Variants in BANP observed in about 807,000 individuals in gnomAD.
BANP encodes the protein protein BANP.
In BANP, 11 loss-of-function variants were observed where a neutral mutation model predicts 68.1. The ratio of observed to expected loss-of-function variants is 0.16; its 90% CI spans 0.10 to 0.27. BANP has a LOEUF of 0.27. Ranked by LOEUF, BANP falls within the 10% of genes least tolerant of loss-of-function variation. The probability of loss-of-function intolerance (pLI) is 1.00; values close to 1 mark genes in which losing one functional copy is unlikely to be tolerated. For missense variants in BANP, 504 were observed against 722.7 expected (o/e 0.70, Z 3.47); for synonymous variants, 329 against 303.2 (o/e 1.09, Z -0.88).
intron 6 of BANP, among the ~76,000 whole-genome samples, chr16:88,009,534 T>C (rs756984528): frequency 1.3e-5 from 2 of 152,262 alleles, no homozygotes; most frequent in Non-Finnish European, 2.9e-5. Context: ...CTAGTTTTTT[T>C]CACTTAGGTA....
At chr16:88,027,789 A>T in intron 8 of BANP, 139 bp downstream of exon 8, 2 of 1,050,336 alleles carry the variant, frequency 1.9e-6, no homozygotes, top group Non-Finnish European at 2.7e-6. Context: ...CGCGGTGCGC[A>T]CGGAGCAGTG....
chr16:87,951,779 G>A (rs2056929396), intron 1 of BANP, among the ~76,000 whole-genome samples: 1 of 151,730 alleles, frequency 6.6e-6, no homozygotes, highest in Non-Finnish European at 1.5e-5. Context: ...AGCCGCGGCT[G>A]CCGCAGCCCG....
intron 11 of BANP, among the ~76,000 whole-genome samples, chr16:88,053,706 C>T (rs1202122758): frequency 2.0e-5 from 3 of 150,568 alleles, no homozygotes; most frequent in South Asian, 4.2e-4. Context: ...TCTCCATCAT[C>T]ATCATCACCA....
rs1486687130 is a variant in BANP at position 88,035,337 on chromosome 16, C to T, written c.1215C>T (p.His405=). ...DGQVQVIPQG[H]LHIAQVPQGE... Reference sequence around the variant, plus strand: ...TCTTGCTGCGGATCCCACAGGGACACCTCCACATCGCCCAGGTGCCGCAGG... The same window carrying T: ...TCTTGCTGCGGATCCCACAGGGACATCTCCACATCGCCCAGGTGCCGCAGG... Residue 405 remains histidine (H), a synonymous_variant, in exon 10 of 14, where the codon CAC becomes CAT. Transcript: ENST00000682872. 1.9e-6 allele frequency: 3 copies of T among 1,611,222 alleles called. No homozygotes were observed. Among genetic ancestry groups the T allele is most frequent in the African/African-American group, 2.7e-5 (2 of 74,876 alleles).
intron 11 of BANP, among the ~76,000 whole-genome samples, chr16:88,059,973 A>G (rs998256371): frequency 6.6e-6 from 1 of 152,198 alleles, no homozygotes; most frequent in African/African-American, 2.4e-5. Context: ...AGGTTGGCAC[A>G]GGTGGGGTTC....
chr16:87,993,788 A>G (rs374099072), intron 4 of BANP, among the ~76,000 whole-genome samples: 1 of 152,110 alleles, frequency 6.6e-6, no homozygotes, highest in African/African-American at 2.4e-5. Flanking sequence ...TATATTACAG[A>G]CGGGGTTTCA....
chr16:88,026,518 A>G (rs1215751336), intron 7 of BANP, among the ~76,000 whole-genome samples: 1 of 152,384 alleles, frequency 6.6e-6, no homozygotes, highest in East Asian at 1.9e-4. Flanking sequence ...AGGGGGACAG[A>G]GTAACAGTGC....
chr16:87,970,685 C>CA (rs1382332400), intron 1 of BANP, among the ~76,000 whole-genome samples: 1 of 152,162 alleles, frequency 6.6e-6, no homozygotes. Flanking sequence ...ACAAGGGCAT[C>CA]AGGGATGACA....
chr16:87,955,469 T>G (rs529562103), intron 1 of BANP, among the ~76,000 whole-genome samples: 1 of 152,346 alleles, frequency 6.6e-6, no homozygotes, highest in Non-Finnish European at 1.5e-5. Flanking sequence ...TGACGTCTTA[T>G]GTAACCAGGC....
Position 88,071,234 on chromosome 16 carries a change from GT to G in BANP, c.1378-834del. ...CATCTCCTGGCCCTCCCGTAGTGGGGTGCAACCCCAAGTGAAGACCCCGTGG... is the reference window on the plus strand; with the variant it reads ...CATCTCCTGGCCCTCCCGTAGTGGGGGCAACCCCAAGTGAAGACCCCGTGG... On this transcript the variant is annotated intron_variant, in intron 12 of 13. Coordinates refer to ENST00000682872, the MANE Select transcript of BANP (RefSeq NM_001386991.1). This position sits in a 1 kb window ranked among gnomAD's most constrained non-coding sequence, Gnocchi z 6.5. The G allele has an allele frequency of 2.8e-6, 1 of 352,374 alleles. No homozygotes were observed. Among genetic ancestry groups the G allele is most frequent in the South Asian group, 2.1e-5 (1 of 47,474 alleles). 21.8% of individuals were successfully genotyped at this position (352,374 alleles called of 1,614,324 possible).
chr16:88,073,514 G>A (rs551523212), intron 13 of BANP, among the ~76,000 whole-genome samples: 2 of 152,260 alleles, frequency 1.3e-5, no homozygotes, highest in East Asian at 3.9e-4. Context: ...CTGGAAGCAC[G>A]GTGAGGGCCA....
intron 1 of BANP, among the ~76,000 whole-genome samples, chr16:87,971,379 AT>A (rs906379207): frequency 1.3e-5 from 2 of 152,152 alleles, no homozygotes; most frequent in Admixed American, 6.5e-5. Flanking sequence ...TCAGGAGGGA[AT>A]TTTTGGGAAT....
chr16:88,010,647 C>A (rs1299581322), intron 6 of BANP, among the ~76,000 whole-genome samples: 1 of 152,270 alleles, frequency 6.6e-6, no homozygotes, highest in East Asian at 1.9e-4. Flanking sequence ...CCTCACAGTC[C>A]ACACAATGTT....
At chr16:87,982,440 T>C (rs1201652893) in intron 3 of BANP, among the ~76,000 whole-genome samples, 5 of 152,244 alleles carry the variant, frequency 3.3e-5, no homozygotes, top group Non-Finnish European at 5.9e-5. Context: ...AAACATTTGA[T>C]GTTCTCCGGT....
intron 8 of BANP, among the ~76,000 whole-genome samples, chr16:88,028,460 C>T (rs752091941): frequency 2.0e-5 from 3 of 152,176 alleles, no homozygotes; most frequent in African/African-American, 7.2e-5. Flanking sequence ...GTGGTTTTCT[C>T]GGGCTGTTTT....
intron 11 of BANP, among the ~76,000 whole-genome samples, chr16:88,053,409 A>T (rs2083864140): frequency 7.0e-6 from 1 of 142,590 alleles, no homozygotes; most frequent in African/African-American, 2.7e-5. Flanking sequence ...TCACCAACAC[A>T]ACCACCTTTA....
chr16:88,053,875 A>T (rs62636087), intron 11 of BANP, among the ~76,000 whole-genome samples: 3,299 of 63,986 alleles, frequency 0.052, 30 homozygotes, highest in Non-Finnish European at 0.1. Context: ...CACTATCATC[A>T]CCATCACCAA....
intron 1 of BANP, among the ~76,000 whole-genome samples, chr16:87,953,386 T>C (rs933960204): frequency 3.3e-5 from 5 of 152,094 alleles, no homozygotes; most frequent in South Asian, 2.1e-4. Flanking sequence ...CTTTTTATTT[T>C]TTTCTTGAGA....
At chr16:87,983,696 G>A (rs1459062071) in intron 3 of BANP, among the ~76,000 whole-genome samples, 2 of 152,018 alleles carry the variant, frequency 1.3e-5, no homozygotes, top group Non-Finnish European at 2.9e-5. Flanking sequence ...TCGATGTTAG[G>A]TGTAATCTGT....
Sources: gnomAD v4.1 joint callset for allele counts (sites outside exome capture counted in the v4.1 genomes callset) on GRCh38, gnomAD v4.1.1 for gene constraint, Gnocchi (gnomAD v3.1) non-coding constraint, MANE v1.5 for transcripts, NCBI Gene and HGNC (gene_info 2026-07-23, HGNC 2026-07-21) for gene names.